EIF4E1B: variants seen among roughly 807,000 people sequenced by gnomAD.
EIF4E1B encodes eukaryotic translation initiation factor 4E family member 1B.
A neutral mutation model predicts 31.3 loss-of-function variants in EIF4E1B; 22 were observed. That is an observed-to-expected ratio of 0.70 (90% CI 0.50 to 1.00). The LOEUF is 1.00. Ranked by LOEUF, EIF4E1B falls within the 50% of genes least tolerant of loss-of-function variation. EIF4E1B has a pLI of 0.00. For missense variants in EIF4E1B, 290 were observed against 311.6 expected (o/e 0.93, Z 0.52); for synonymous variants, 126 against 120.2 (o/e 1.05, Z -0.31).
At chr5:176,643,863 C>A in intron 5 of EIF4E1B, 129 bp downstream of exon 5, 1 of 982,482 alleles carries the variant, frequency 1.0e-6, no homozygotes, top group Non-Finnish European at 1.5e-6. Context: ...TGGGTTCTGC[C>A]CAGGGGGTAT....
intron 5 of EIF4E1B, chr5:176,644,018 T>C: frequency 1.8e-6 from 1 of 557,922 alleles, no homozygotes. Context: ...TGAACCTGTC[T>C]CAGCTGCAAA....
At position 176,637,100 on chromosome 5, in the gene EIF4E1B, A is replaced by G. The variant is rs138194681; in HGVS notation, c.-201-4943A>G. 6.0e-3 allele frequency among the ~76,000 whole-genome samples: 910 copies of G among 152,312 alleles called. 4 individuals are homozygous for G. Among genetic ancestry groups the G allele is most frequent in the Non-Finnish European group, 0.01 (709 of 68,028 alleles). Reference sequence around the variant, plus strand: ...CCTCTGACTTCTGAGTACTTCCCATAAGCCAGACGCTGTTGTAGGCCCTGG... The same window carrying G: ...CCTCTGACTTCTGAGTACTTCCCATGAGCCAGACGCTGTTGTAGGCCCTGG... On this transcript the variant is annotated intron_variant, in intron 1 of 8. Coordinates refer to ENST00000318682, the MANE Select transcript of EIF4E1B (RefSeq NM_001099408.2).
chr5:176,632,133 T>C (rs1194467612), intron 1 of EIF4E1B, among the ~76,000 whole-genome samples: 1 of 152,232 alleles, frequency 6.6e-6, no homozygotes, highest in East Asian at 1.9e-4. Flanking sequence ...TACTTATAAT[T>C]TTCTATGTGT....
chr5:176,643,675 G>T lies in EIF4E1B; in HGVS notation c.237G>T (p.Arg79=). The T allele has an allele frequency of 2.5e-6, 4 of 1,612,570 alleles. No individual in the cohort carries two copies. The highest frequency in any genetic ancestry group is 3.4e-6 in the Non-Finnish European group (4 of 1,179,294). ...GGTTCTTCAAGAATGACCGCAGCCG[G>T]GCCTGGCAGGACAACCTGCACCTGG... ...ALWFFKNDRS[R]AWQDNLHLVT... Residue 79 remains arginine, a synonymous_variant, in exon 5 of 9, where the codon CGG becomes CGT. Coordinates refer to ENST00000318682, the MANE Select transcript of EIF4E1B (RefSeq NM_001099408.2).
chr5:176,645,823 G>A lies in EIF4E1B; in HGVS notation c.615-43G>A, dbSNP rs1047630727. On this transcript the variant is annotated intron_variant, in intron 8 of 8. Coordinates refer to ENST00000318682, the MANE Select transcript of EIF4E1B (RefSeq NM_001099408.2). The surrounding 1 kb of genome is among the most constrained non-coding windows in gnomAD (Gnocchi z 5.4). ...TAAGTTATCTCTAGGACCCTCTGAT[G>A]ACTACCTGTGTCTCTTTTCCTCTGT... 2.7e-6 allele frequency: 4 copies of A among 1,500,410 alleles called. No individual in the cohort carries two copies. The highest frequency in any genetic ancestry group is 1.7e-4 in the Middle Eastern group (1 of 5,802). The allele number at this position is 1,500,410 out of a possible 1,614,324, so 92.9% of individuals were successfully genotyped here.
intron 1 of EIF4E1B, among the ~76,000 whole-genome samples, chr5:176,635,626 G>A (rs1363585388): frequency 1.3e-5 from 2 of 152,188 alleles, no homozygotes; most frequent in African/African-American, 4.8e-5. Flanking sequence ...CAGTCCACAG[G>A]TGGTGTGATG....
intron 3 of EIF4E1B, 115 bp downstream of exon 3, chr5:176,642,917 G>A (rs928074305): frequency 6.7e-7 from 1 of 1,499,700 alleles, no homozygotes; most frequent in South Asian, 1.3e-5. Flanking sequence ...GTAGCTGGGG[G>A]CTTTTCAGAT....
chr5:176,639,971 C>T (rs1285346195), intron 1 of EIF4E1B, among the ~76,000 whole-genome samples: 1 of 152,176 alleles, frequency 6.6e-6, no homozygotes, highest in Non-Finnish European at 1.5e-5. Flanking sequence ...CAGCCTGGTC[C>T]TCTTCCAGTG....
Position 176,645,268 on chromosome 5 carries a change from A to G in EIF4E1B, c.474+25A>G, listed in dbSNP as rs1486934870. The G allele has an allele frequency of 6.2e-7, 1 of 1,604,750 alleles. No individual in the cohort carries two copies. Among genetic ancestry groups the G allele is most frequent in the African/African-American group, 1.3e-5 (1 of 74,806 alleles). ...GGTGAGTTGGAGGAGGAGGGTCCTCAGGGGAAGAGACGGGCTGTGTGGGTC... is the reference window on the plus strand; with the variant it reads ...GGTGAGTTGGAGGAGGAGGGTCCTCGGGGGAAGAGACGGGCTGTGTGGGTC... On this transcript the variant is annotated intron_variant, in intron 7 of 8. Transcript: ENST00000318682. This position sits in a 1 kb window ranked among gnomAD's most constrained non-coding sequence, Gnocchi z 5.4.
At position 176,646,439 on chromosome 5, in the gene EIF4E1B, G is replaced by T. The variant is rs1353118738; in HGVS notation, c.*459G>T. ...ACGTGGGTTGCTGAGGACTGAGAGA[G>T]CCTTGCAAGGCCGCTCCCCTTCTCC... is the stretch of plus-strand genomic sequence containing the variant. On this transcript the variant is annotated 3_prime_UTR_variant, in exon 9 of 9. Transcript: ENST00000318682. 1.9e-5 allele frequency: 3 copies of T among 157,182 alleles called. No homozygotes were observed. In the East Asian group the frequency reaches 5.6e-4, roughly 29 times the overall value. 9.7% of individuals were successfully genotyped at this position (157,182 alleles called of 1,614,324 possible). A position where few individuals can be genotyped will look rare whatever the true frequency, so the allele number is the denominator to read the frequency against.
Position 176,642,776 on chromosome 5 carries a change from G to A in EIF4E1B, c.-12G>A. 6.4e-7 allele frequency: 1 copy of A among 1,559,374 alleles called. No homozygotes were observed. The highest frequency in any genetic ancestry group is 1.9e-5 in the Admixed American group (1 of 52,554). ...CCCAGCCCCAGGCCTGCACGAAGAA[G>A]GCACTCACTAAATGCTTGCTGTTGA... On this transcript the variant is annotated 5_prime_UTR_variant, in exon 3 of 9. Transcript: ENST00000318682.
intron 1 of EIF4E1B, among the ~76,000 whole-genome samples, chr5:176,636,017 T>A (rs60039368): frequency 0.01 from 1,577 of 152,258 alleles, 33 homozygotes; most frequent in African/African-American, 0.035. Context: ...GGGTTTCACC[T>A]TGTTGGCTAG....
At chr5:176,631,578 C>T (rs1020990574) in intron 1 of EIF4E1B, among the ~76,000 whole-genome samples, 2 of 150,904 alleles carry the variant, frequency 1.3e-5, no homozygotes, top group African/African-American at 4.9e-5. Flanking sequence ...TGGGCAAAGG[C>T]ACTGTGGCCA....
At position 176,645,676 on chromosome 5, in the gene EIF4E1B, A is replaced by G; in HGVS notation, c.614+160A>G. On this transcript the variant is annotated intron_variant, in intron 8 of 8. Transcript: ENST00000318682. This position sits in a 1 kb window ranked among gnomAD's most constrained non-coding sequence, Gnocchi z 5.4. ...TGGAAGGTCTGGCGTTCAGATTTCT[A>G]ACTTTCTCTTACGGCAGTGCAGCTC... 8.1e-7 allele frequency: 1 copy of G among 1,234,850 alleles called. No individual in the cohort carries two copies. The highest frequency in any genetic ancestry group is 1.1e-6 in the Non-Finnish European group (1 of 913,426). 76.5% of individuals were successfully genotyped at this position (1,234,850 alleles called of 1,614,324 possible).
intron 1 of EIF4E1B, among the ~76,000 whole-genome samples, chr5:176,635,257 G>A (rs754205047): frequency 9.9e-5 from 15 of 152,098 alleles, no homozygotes; most frequent in African/African-American, 4.8e-5. Context: ...GATAGAGGTC[G>A]ACGAGATAAA....
chr5:176,642,849 TCTCC>T, intron 3 of EIF4E1B, 47 bp downstream of exon 3: 4 of 1,181,916 alleles, frequency 3.4e-6, no homozygotes, highest in Non-Finnish European at 4.3e-6. Context: ...GGCCCCGCCC[TCTCC>T]CCCCCCCCCC....
At position 176,643,086 on chromosome 5, in the gene EIF4E1B, G is replaced by C. The variant is rs781279936; in HGVS notation, c.20G>C (p.Ser7Thr). ...TGACTCCTTTTTTTGGCTCAGGTGA[G>C]TGAAGCTGAGGGTGGAATCCGAGAG... MLAVEV[S>T]EAEGGIREWE... is the part of the protein sequence containing the mutation. Residue 7 changes from serine to threonine, a missense_variant, in exon 4 of 9, where the codon AGT (serine) becomes ACT (threonine). Transcript: ENST00000318682. The C allele has an allele frequency of 6.2e-7, 1 of 1,610,300 alleles. No individual in the cohort carries two copies. Among genetic ancestry groups the C allele is most frequent in the Non-Finnish European group, 8.5e-7 (1 of 1,178,150 alleles).
Position 176,645,029 on chromosome 5 carries a change from A to G in EIF4E1B, c.361-101A>G. On this transcript the variant is annotated intron_variant, in intron 6 of 8. Transcript: ENST00000318682. This position sits in a 1 kb window ranked among gnomAD's most constrained non-coding sequence, Gnocchi z 5.4. ...AAGGGAGGATAAGAGAATCTGGCCT[A>G]CTTAGGGCCTCAGCAGAGAGCGGAT... The G allele has an allele frequency of 9.5e-7, 1 of 1,049,694 alleles. No individual in the cohort carries two copies. The highest frequency in any genetic ancestry group is 1.6e-5 in the South Asian group (1 of 63,654). 65.0% of individuals were successfully genotyped at this position (1,049,694 alleles called of 1,614,324 possible).
chr5:176,640,626 C>A (rs1009913350), intron 1 of EIF4E1B, among the ~76,000 whole-genome samples: 4 of 152,330 alleles, frequency 2.6e-5, no homozygotes, highest in South Asian at 2.1e-4. Context: ...TTTCCCCACA[C>A]CTTCTTGCAG....
Sources: allele counts gnomAD v4.1 joint callset (sites outside exome capture counted in the v4.1 genomes callset), GRCh38; gene constraint gnomAD v4.1.1; non-coding constraint Gnocchi (gnomAD v3.1); transcripts MANE v1.5; gene names NCBI Gene and HGNC (gene_info 2026-07-23, HGNC 2026-07-21).